The following CACNA1C variants were observed in gnomAD, a reference collection of about 807,000 sequenced individuals.
CACNA1C encodes calcium voltage-gated channel subunit alpha1 C, also known as voltage-dependent L-type calcium channel subunit alpha-1C.
A neutral mutation model predicts 229.0 loss-of-function variants in CACNA1C; 30 were observed. That is an observed-to-expected ratio of 0.13 (90% confidence interval 0.10 to 0.18). The LOEUF is 0.18. CACNA1C is among the 10% of genes least tolerant of loss of function. The pLI, the probability that CACNA1C is intolerant of heterozygous loss-of-function variation, is 1.00. For missense variants in CACNA1C, 1,658 were observed against 2,845.0 expected (o/e 0.58, Z 9.49); for synonymous variants, 1,114 against 1,132.5 (o/e 0.98, Z 0.33).
chr12:1,998,488 T>C (rs1305376701), intron 1 of CACNA1C, among the ~76,000 whole-genome samples: 2 of 152,228 alleles, frequency 1.3e-5, no homozygotes, highest in African/African-American at 4.8e-5. Flanking sequence ...AGGGCAATGA[T>C]GCCACAGAGT....
intron 3 of CACNA1C, among the ~76,000 whole-genome samples, chr12:2,355,840 C>T (rs1016042488): frequency 6.6e-6 from 1 of 152,112 alleles, no homozygotes; most frequent in Non-Finnish European, 1.5e-5. Context: ...GACAGCCCCA[C>T]CCCAGAGAAT....
chr12:2,371,216 G>T (rs1310003833), intron 3 of CACNA1C, among the ~76,000 whole-genome samples: 1 of 152,190 alleles, frequency 6.6e-6, no homozygotes, highest in Non-Finnish European at 1.5e-5. Flanking sequence ...GTAAGGTGTA[G>T]TCAGGTGTTC....
chr12:2,647,434 G>A lies in CACNA1C; in HGVS notation c.3913-1041G>A, dbSNP rs979754861. On this transcript the variant is annotated intron_variant, in intron 30 of 46. Transcript: ENST00000399655. The surrounding 1 kb of genome is among the most constrained non-coding windows in gnomAD (Gnocchi z 4.2). ...ATGAGTTCAGCAGTCAGACCCGTGA[G>A]AACAGCTTCCTGGGGTGTTAGTGTC... 2.0e-5 allele frequency among the ~76,000 whole-genome samples: 3 copies of A among 152,252 alleles called. No individual in the cohort carries two copies. Among genetic ancestry groups the A allele is most frequent in the South Asian group, 2.1e-4 (1 of 4,832 alleles).
chr12:2,046,622 T>C (rs928012557), intron 1 of CACNA1C, among the ~76,000 whole-genome samples: 1 of 152,156 alleles, frequency 6.6e-6, no homozygotes, highest in Non-Finnish European at 1.5e-5. Flanking sequence ...GGGCTAAGCA[T>C]TGCTGAAAAT....
In CACNA1C at chr12:2,605,970, C is replaced by T. The variant is rs1407783532; in HGVS notation, c.3156+184C>T. Among the ~76,000 whole-genome samples the T allele has an allele frequency of 6.6e-6, 1 of 152,236 alleles. No homozygotes were observed. The highest frequency in any genetic ancestry group is 1.9e-4 in the East Asian group (1 of 5,190). On this transcript the variant is annotated intron_variant, in intron 24 of 46. Transcript: ENST00000399655. This position sits in a 1 kb window ranked among gnomAD's most constrained non-coding sequence, Gnocchi z 6.2. ...GTAGGGAGGCGCTAGAAGGAGGCATCGGGCCACCAGGCCAGAGGCCCCTCA... is the reference window on the plus strand; with the variant it reads ...GTAGGGAGGCGCTAGAAGGAGGCATTGGGCCACCAGGCCAGAGGCCCCTCA...
At chr12:2,453,880 A>T (rs1011535590) in intron 4 of CACNA1C, among the ~76,000 whole-genome samples, 2 of 152,282 alleles carry the variant, frequency 1.3e-5, no homozygotes, top group South Asian at 4.2e-4. Context: ...AAACTTTGCA[A>T]AACAGGTGGC....
Position 2,486,284 on chromosome 12 carries a change from G to T in CACNA1C, c.916+22G>T, listed in dbSNP as rs542870156. On this transcript the variant is annotated intron_variant, in intron 6 of 46. Coordinates refer to ENST00000399655, the MANE Select transcript of CACNA1C (RefSeq NM_000719.7). The surrounding 1 kb of genome is among the most constrained non-coding windows in gnomAD (Gnocchi z 4.9). ...GCAGGTAAGAGGGGCAGGCGGCTGC[G>T]CTCCCAAGGCCCTGCCCTCTATCGC... is the stretch of plus-strand genomic sequence containing the variant. 28 of 1,605,126 alleles carry T rather than the reference G, an allele frequency of 1.7e-5. No homozygotes were observed. The Middle Eastern group carries it at 5.0e-4, about 29-fold the overall frequency.
intron 34 of CACNA1C, among the ~76,000 whole-genome samples, chr12:2,657,060 A>G (rs1482453352): frequency 1.3e-5 from 2 of 152,234 alleles, no homozygotes; most frequent in Non-Finnish European, 2.9e-5. Context: ...CCAAGTGTTT[A>G]AGGACCCATA....
chr12:1,991,179 G>A (rs779454774), intron 1 of CACNA1C: 16 of 456,014 alleles, frequency 3.5e-5, no homozygotes, highest in East Asian at 6.9e-5. Context: ...AAAAAGCAAC[G>A]GAAGTGAAAT....
chr12:2,570,905 C>T lies in CACNA1C; in HGVS notation c.1895+3111C>T, dbSNP rs537904157. ...CAACAGCCTTCTTTCCCTCTCTGAC[C>T]CCATCGAAAGAGAGCTCTTCCTAAG... On this transcript the variant is annotated intron_variant, in intron 13 of 46. Coordinates refer to ENST00000399655, the MANE Select transcript of CACNA1C (RefSeq NM_000719.7). Among the ~76,000 whole-genome samples the T allele has an allele frequency of 3.9e-5, 6 of 152,264 alleles. No individual in the cohort carries two copies. In the South Asian group the frequency reaches 1.0e-3, roughly 26 times the overall value.
chr12:2,071,016 TTCCTTCCTTCC>T (rs1327479604), intron 1 of CACNA1C, among the ~76,000 whole-genome samples: 1 of 109,868 alleles, frequency 9.1e-6, no homozygotes, highest in East Asian at 3.2e-4. Flanking sequence ...CTCTTTCTCC[TTCCTTCCTTCC>T]TCCTTCCTTC....
At chr12:2,673,486 ACACC>A in intron 38 of CACNA1C, among the ~76,000 whole-genome samples, 1 of 149,430 alleles carries the variant, frequency 6.7e-6, no homozygotes, top group South Asian at 2.1e-4. Context: ...AAAAAAAAAG[ACACC>A]CCGTTAGTAG....
Position 2,151,261 on chromosome 12 carries a change from G to A in CACNA1C, c.477+30831G>A, listed in dbSNP as rs1407125875. On this transcript the variant is annotated intron_variant, in intron 3 of 46. Coordinates refer to ENST00000399655, the MANE Select transcript of CACNA1C (RefSeq NM_000719.7). ...GAATGAGGAAACTGAGGCACAGTAA[G>A]ATTTTTTTTTTTATTTTTTGCCCAG... Among the ~76,000 whole-genome samples, 4 of 147,886 alleles carry A rather than the reference G, an allele frequency of 2.7e-5. No homozygotes were observed. The East Asian group carries it at 7.8e-4, about 29-fold the overall frequency.
At chr12:2,117,994 A>G (rs1355099015) in intron 2 of CACNA1C, among the ~76,000 whole-genome samples, 1 of 152,212 alleles carries the variant, frequency 6.6e-6, no homozygotes, top group Non-Finnish European at 1.5e-5. Flanking sequence ...TTAAAAAGTA[A>G]TCTGGGCCTC....
intron 3 of CACNA1C, among the ~76,000 whole-genome samples, chr12:2,422,315 A>G (rs746620021): frequency 1.3e-5 from 2 of 152,168 alleles, no homozygotes; most frequent in Non-Finnish European, 2.9e-5. Context: ...AGTGGAATGG[A>G]GGGAAAATAA....
intron 15 of CACNA1C, 68 bp downstream of exon 15, chr12:2,583,010 G>C: frequency 8.2e-7 from 1 of 1,213,440 alleles, no homozygotes; most frequent in South Asian, 1.3e-5. Flanking sequence ...GTGCCAAACG[G>C]GCACGCCCCT....
intron 3 of CACNA1C, among the ~76,000 whole-genome samples, chr12:2,347,097 C>T (rs1567168132): frequency 6.6e-6 from 1 of 152,208 alleles, no homozygotes. Flanking sequence ...CTTTGCTCCC[C>T]TATGTTCCTG....
intron 3 of CACNA1C, among the ~76,000 whole-genome samples, chr12:2,277,297 A>C (rs1031593297): frequency 1.4e-5 from 2 of 148,090 alleles, no homozygotes; most frequent in Non-Finnish European, 3.0e-5. Context: ...ATGTCCTGGA[A>C]ATGTCTGGTT....
At chr12:2,178,676 G>A (rs2096740266) in intron 3 of CACNA1C, among the ~76,000 whole-genome samples, 1 of 152,116 alleles carries the variant, frequency 6.6e-6, no homozygotes, top group African/African-American at 2.4e-5. Context: ...TTCCCACTCG[G>A]GAGCCTTTGG....
Sources: allele counts gnomAD v4.1 joint callset (sites outside exome capture counted in the v4.1 genomes callset), GRCh38; gene constraint gnomAD v4.1.1; non-coding constraint Gnocchi (gnomAD v3.1); transcripts MANE v1.5; gene names NCBI Gene and HGNC (gene_info 2026-07-23, HGNC 2026-07-21).